The following SEPTIN9 variants were observed in gnomAD, a reference collection of about 807,000 sequenced individuals.
SEPTIN9 encodes the protein septin 9.
A neutral mutation model predicts 56.6 loss-of-function variants in SEPTIN9; 13 were observed. That is an observed-to-expected ratio of 0.23 (90% confidence interval 0.15 to 0.37). The LOEUF (loss-of-function observed/expected upper bound fraction) is 0.37, where lower values mean the gene tolerates loss of function less well. Ranked by LOEUF, SEPTIN9 falls within the 10% of genes least tolerant of loss-of-function variation. The pLI, the probability that SEPTIN9 is intolerant of heterozygous loss-of-function variation, is 1.00. For missense variants in SEPTIN9, 650 were observed against 823.1 expected, an observed-to-expected ratio of 0.79 and a Z score of 2.57; for synonymous variants, 332 against 334.1, an observed-to-expected ratio of 0.99 and a Z score of 0.07.
rs1379298924 is a variant in SEPTIN9 at position 77,451,596 on chromosome 17, C to T, written c.722-30548C>T. 9.3e-6 allele frequency: 9 copies of T among 970,770 alleles called. No individual in the cohort carries two copies. The highest frequency in any genetic ancestry group is 1.2e-4 in the Admixed American group (2 of 16,262). The allele number at this position is 970,770 out of a possible 1,614,324, so 60.1% of individuals were successfully genotyped here. A position where few individuals can be genotyped will look rare whatever the true frequency, so the allele number is the denominator to read the frequency against. On this transcript the variant is annotated intron_variant, in intron 3 of 11. Coordinates refer to ENST00000427177, the MANE Select transcript of SEPTIN9 (RefSeq NM_001113491.2). The surrounding 1 kb of genome is among the most constrained non-coding windows in gnomAD (Gnocchi z 4.2). ...CTCGGGGGCTCTCAGGTGGCGCGGCCGCGAGGCGGACCCTGATGGCCATGG... is the reference window on the plus strand; with the variant it reads ...CTCGGGGGCTCTCAGGTGGCGCGGCTGCGAGGCGGACCCTGATGGCCATGG...
chr17:77,320,210 G>T lies in SEPTIN9; in HGVS notation c.76+13013G>T. The T allele has an allele frequency of 2.6e-6, 4 of 1,553,004 alleles. No individual in the cohort carries two copies. In the South Asian group the frequency reaches 3.6e-5, roughly 14 times the overall value. On this transcript the variant is annotated intron_variant, in intron 2 of 11. Transcript: ENST00000427177. ...TTAGACCAGACAAAGAGTGTTTTTAGAGGAGGAGGAGGAGGAGGAGGAGGC... is the reference window on the plus strand; with the variant it reads ...TTAGACCAGACAAAGAGTGTTTTTATAGGAGGAGGAGGAGGAGGAGGAGGC...
At chr17:77,454,913 G>A (rs1010705547) in intron 3 of SEPTIN9, among the ~76,000 whole-genome samples, 3 of 152,104 alleles carry the variant, frequency 2.0e-5, no homozygotes, top group African/African-American at 4.8e-5. Context: ...AGCCGACTCC[G>A]GGGCTGCGGG....
intron 2 of SEPTIN9, among the ~76,000 whole-genome samples, chr17:77,321,787 G>A (rs2032945103): frequency 6.6e-6 from 1 of 152,242 alleles, no homozygotes; most frequent in African/African-American, 2.4e-5. Flanking sequence ...ACCTCAGGAG[G>A]GGGCCAGGGG....
At chr17:77,304,732 G>A (rs1414922487) in intron 1 of SEPTIN9, among the ~76,000 whole-genome samples, 1 of 152,124 alleles carries the variant, frequency 6.6e-6, no homozygotes, top group Admixed American at 6.5e-5. Context: ...CAGAGTTCTG[G>A]TTCACTCTCA....
rs1190909335 is a variant in SEPTIN9 at position 77,389,549 on chromosome 17, C to A, written c.77-12510C>A. ...ATCACCTCCCAGGGCCTCGCTCCTG[C>A]CTTCAGCGACAGCCATTTATCAGGG... On this transcript the variant is annotated intron_variant, in intron 2 of 11. Transcript: ENST00000427177. The surrounding 1 kb of genome is among the most constrained non-coding windows in gnomAD (Gnocchi z 4.3). Among the ~76,000 whole-genome samples the A allele has an allele frequency of 2.6e-5, 4 of 152,192 alleles. No homozygotes were observed. The highest frequency in any genetic ancestry group is 5.9e-5 in the Non-Finnish European group (4 of 68,034).
intron 3 of SEPTIN9, among the ~76,000 whole-genome samples, chr17:77,447,839 G>A (rs761368197): frequency 8.5e-5 from 13 of 152,194 alleles, no homozygotes; most frequent in Non-Finnish European, 1.3e-4. Flanking sequence ...TGGTCAGGCT[G>A]GTCTTGAACT....
At position 77,498,669 on chromosome 17, in the gene SEPTIN9, G is replaced by GCCCCCCCCCCGGGTC; in HGVS notation, c.*14_*15insCCCCCCCGGGTCCCC. On this transcript the variant is annotated 3_prime_UTR_variant, in exon 12 of 12. Transcript: ENST00000427177. ...GCCCCGGAGATGTAGACGCCACCCT[G>GCCCCCCCCCCGGGTC]CCCACCCCCGGGATCCTGCCCCCAA... 1 of 1,550,296 alleles carries GCCCCCCCCCCGGGTC rather than the reference G, an allele frequency of 6.5e-7. No individual in the cohort carries two copies. The highest frequency in any genetic ancestry group is 1.2e-5 in the South Asian group (1 of 86,196).
Position 77,327,951 on chromosome 17 carries a change from TC to T in SEPTIN9, c.76+20758del, listed in dbSNP as rs1310182856. ...CTAGGGCATCCCGATGCTCAGAGTT[TC>T]CCCGTGCCCAGTGTGTCCCTGTATC... is the stretch of plus-strand genomic sequence containing the variant. On this transcript the variant is annotated intron_variant, in intron 2 of 11. Coordinates refer to ENST00000427177, the MANE Select transcript of SEPTIN9 (RefSeq NM_001113491.2). This position sits in a 1 kb window ranked among gnomAD's most constrained non-coding sequence, Gnocchi z 5.0. 5.3e-5 allele frequency among the ~76,000 whole-genome samples: 8 copies of T among 152,054 alleles called. No homozygotes were observed. Among genetic ancestry groups the T allele is most frequent in the Admixed American group, 4.6e-4 (7 of 15,282 alleles).
intron 2 of SEPTIN9, among the ~76,000 whole-genome samples, chr17:77,321,091 CA>C (rs2032902469): frequency 6.6e-6 from 1 of 152,242 alleles, no homozygotes. Context: ...CTCACGTGGC[CA>C]GCGCCGTCAT....
At position 77,305,901 on chromosome 17, in the gene SEPTIN9, TG is replaced by T. The variant is rs1222963989; in HGVS notation, c.20-1237del. ...ATGGATGGAAGGAAGGATGAGTGGGTGGGTGGGGGGGTGGGTGGGTGGGTGG... is the reference window on the plus strand; with the variant it reads ...ATGGATGGAAGGAAGGATGAGTGGGTGGTGGGGGGGTGGGTGGGTGGGTGG... On this transcript the variant is annotated intron_variant, in intron 1 of 11. Coordinates refer to ENST00000427177, the MANE Select transcript of SEPTIN9 (RefSeq NM_001113491.2). Among the ~76,000 whole-genome samples the T allele has an allele frequency of 1.8e-4, 4 of 21,704 alleles. No homozygotes were observed. In the East Asian group the frequency reaches 4.3e-3, roughly 24 times the overall value. 14.2% of individuals were successfully genotyped at this position (21,704 alleles called of 152,430 possible).
rs2035941503 is a variant in SEPTIN9, at chr17:77,402,647, G to A, written c.665G>A (p.Arg222Lys). ...EPAPVSQLQS[R>K]LEPKPQPPVA... is the part of the protein sequence containing the mutation. ...GCCCCTGTGTCTCAGCTGCAGAGCA[G>A]GCTGGAGCCCAAGCCCCAGCCCCCT... The change falls in exon 3 of 12, where the codon AGG becomes AAG. Residue 222 changes from arginine (R) to lysine (K), a missense_variant. Around this residue, in one of 2 missense-constraint regions of SEPTIN9, gnomAD observed 317 missense variants for 329.1 expected, o/e 0.96. Transcript: ENST00000427177. The surrounding 1 kb of genome is among the most constrained non-coding windows in gnomAD (Gnocchi z 6.6). The A allele has an allele frequency of 1.9e-6, 3 of 1,612,358 alleles. No homozygotes were observed. Among genetic ancestry groups the A allele is most frequent in the Admixed American group, 1.7e-5 (1 of 59,886 alleles).
intron 3 of SEPTIN9, among the ~76,000 whole-genome samples, chr17:77,424,937 T>C (rs1257980065): frequency 6.6e-6 from 1 of 152,206 alleles, no homozygotes; most frequent in African/African-American, 2.4e-5. Flanking sequence ...GGACCCCTGC[T>C]CTGCTCAGAT....
chr17:77,398,239 T>A (rs1855486842), intron 2 of SEPTIN9, among the ~76,000 whole-genome samples: 1 of 152,028 alleles, frequency 6.6e-6, no homozygotes, highest in Admixed American at 6.5e-5. Flanking sequence ...CTTCCCAAAG[T>A]GTTGGGGTTA....
At position 77,437,340 on chromosome 17, in the gene SEPTIN9, C is replaced by A. The variant is rs910696000; in HGVS notation, c.721+34637C>A. Among the ~76,000 whole-genome samples the A allele has an allele frequency of 6.6e-6, 1 of 152,114 alleles. No individual in the cohort carries two copies. Among genetic ancestry groups the A allele is most frequent in the Admixed American group, 6.5e-5 (1 of 15,286 alleles). Reference sequence around the variant, plus strand: ...ATGGAGCACCGACCCCTCCCTTCTACACCCCCACCCCACGCCCCCAGGAGC... The same window carrying A: ...ATGGAGCACCGACCCCTCCCTTCTAAACCCCCACCCCACGCCCCCAGGAGC... On this transcript the variant is annotated intron_variant, in intron 3 of 11. Transcript: ENST00000427177. This position sits in a 1 kb window ranked among gnomAD's most constrained non-coding sequence, Gnocchi z 5.3.
At chr17:77,376,777 C>A in intron 2 of SEPTIN9, 1 of 152,334 alleles carries the variant, frequency 6.6e-6, no homozygotes. Context: ...CGTCCGTGGG[C>A]CTGTGTGTGT....
chr17:77,364,143 A>G (rs1598257529), intron 2 of SEPTIN9, among the ~76,000 whole-genome samples: 1 of 152,290 alleles, frequency 6.6e-6, no homozygotes, highest in East Asian at 1.9e-4. Flanking sequence ...AGATTTCATT[A>G]TCTGGGGAAA....
At chr17:77,473,498 G>A (rs1598430199) in intron 3 of SEPTIN9, among the ~76,000 whole-genome samples, 1 of 152,092 alleles carries the variant, frequency 6.6e-6, no homozygotes, top group African/African-American at 2.4e-5. Context: ...CTCCCAGAGT[G>A]CCAAGTTATT....
At chr17:77,443,492 G>A (rs1332252918) in intron 3 of SEPTIN9, among the ~76,000 whole-genome samples, 1 of 152,066 alleles carries the variant, frequency 6.6e-6, no homozygotes, top group Non-Finnish European at 1.5e-5. Context: ...TTTCAAGAAG[G>A]ATATAAAAAG....
chr17:77,475,297 C>CGGGGAGGGCAAGCCCTGGTTGCG lies in SEPTIN9; in HGVS notation c.722-6846_722-6824dup, dbSNP rs1464556914. ...GCAGAGAGCAGGCTCTGTGTGGGAG[C>CGGGGAGGGCAAGCCCTGGTTGCG]GGGGAGGGCAAGCCCTGGTTGCGAG... On this transcript the variant is annotated intron_variant, in intron 3 of 11. Transcript: ENST00000427177. This position sits in a 1 kb window ranked among gnomAD's most constrained non-coding sequence, Gnocchi z 4.6. 3 of 1,417,466 alleles carry CGGGGAGGGCAAGCCCTGGTTGCG rather than the reference C, an allele frequency of 2.1e-6. No homozygotes were observed. The African/African-American group carries it at 4.3e-5, about 20-fold the overall frequency. 87.8% of individuals were successfully genotyped at this position (1,417,466 alleles called of 1,614,324 possible).
Sources: gnomAD v4.1 joint callset for allele counts (sites outside exome capture counted in the v4.1 genomes callset) on GRCh38, gnomAD v4.1.1 for gene constraint, gnomAD v4.1.1 regional missense constraint, Gnocchi (gnomAD v3.1) non-coding constraint, MANE v1.5 for transcripts, NCBI Gene and HGNC (gene_info 2026-07-23, HGNC 2026-07-21) for gene names.